PRDM16: variants seen among roughly 807,000 people sequenced by gnomAD.
PRDM16 encodes histone-lysine N-methyltransferase PRDM16.
Under a neutral mutation model 110.6 loss-of-function variants are expected in PRDM16, and 23 were observed. The observed-to-expected ratio is 0.21, with a 90% CI of 0.15 to 0.29. PRDM16 has a LOEUF of 0.29. PRDM16 is among the 10% of genes least tolerant of loss of function. The pLI, the probability that PRDM16 is intolerant of heterozygous loss-of-function variation, is 1.00. For synonymous variants in PRDM16, 799 were observed against 781.8 expected, an observed-to-expected ratio of 1.02 and a Z score of -0.37; for missense variants, 1,615 against 1,794.3, an observed-to-expected ratio of 0.90 and a Z score of 1.81.
rs1419923260 is a variant in PRDM16, at chr1:3,114,135, TCTGCACA to T, written c.37+44848_37+44854del. 2.6e-5 allele frequency among the ~76,000 whole-genome samples: 4 copies of T among 152,180 alleles called. No homozygotes were observed. In the East Asian group the frequency reaches 5.8e-4, roughly 22 times the overall value. On this transcript the variant is annotated intron_variant, in intron 1 of 16. Transcript: ENST00000270722. ...CTGCAGTAAGACAGCGGCGTGTATC[TCTGCACA>T]CTGCACACACGCACACACACACGCA...
At chr1:3,162,688 A>C (rs534081735) in intron 1 of PRDM16, among the ~76,000 whole-genome samples, 3 of 152,166 alleles carry the variant, frequency 2.0e-5, no homozygotes, top group African/African-American at 7.2e-5. Flanking sequence ...GGTGTGGAAA[A>C]CGCGGAGCCA....
At chr1:3,113,694 C>G (rs1352211310) in intron 1 of PRDM16, among the ~76,000 whole-genome samples, 1 of 152,222 alleles carries the variant, frequency 6.6e-6, no homozygotes, top group African/African-American at 2.4e-5. Context: ...GTGGCTCCCC[C>G]TCAGAGCTGA....
rs1389524359 is a variant in PRDM16, at chr1:3,290,870, C to A, written c.438+46733C>A. ...GGGAAGGGCCCGGAGCACTGGGGGCCCGAGGTATCTTTCAAAGAGTGATGG... is the reference window on the plus strand; with the variant it reads ...GGGAAGGGCCCGGAGCACTGGGGGCACGAGGTATCTTTCAAAGAGTGATGG... On this transcript the variant is annotated intron_variant, in intron 3 of 16. Transcript: ENST00000270722. This position sits in a 1 kb window ranked among gnomAD's most constrained non-coding sequence, Gnocchi z 4.8. Among the ~76,000 whole-genome samples, 1 of 151,732 alleles carries A rather than the reference C, an allele frequency of 6.6e-6. No homozygotes were observed. The highest frequency in any genetic ancestry group is 1.9e-4 in the East Asian group (1 of 5,164).
At chr1:3,183,328 C>T (rs971417619) in intron 1 of PRDM16, among the ~76,000 whole-genome samples, 4 of 152,258 alleles carry the variant, frequency 2.6e-5, no homozygotes, top group Admixed American at 6.5e-5. Flanking sequence ...CTCCCGGCTC[C>T]GGTTGTTCCG....
chr1:3,177,333 A>G (rs1168104575), intron 1 of PRDM16, among the ~76,000 whole-genome samples: 1 of 152,214 alleles, frequency 6.6e-6, no homozygotes, highest in African/African-American at 2.4e-5. Flanking sequence ...ACTGACTGCC[A>G]GGAAACTGTT....
At chr1:3,214,751 C>T (rs1394631457) in intron 2 of PRDM16, among the ~76,000 whole-genome samples, 1 of 152,186 alleles carries the variant, frequency 6.6e-6, no homozygotes, top group Non-Finnish European at 1.5e-5. Context: ...TGTGTTGGGC[C>T]CCTGTTGGGT....
intron 3 of PRDM16, among the ~76,000 whole-genome samples, chr1:3,360,320 C>T (rs1230751555): frequency 6.6e-6 from 1 of 152,196 alleles, no homozygotes; most frequent in Non-Finnish European, 1.5e-5. Context: ...CTTCTAGGCT[C>T]TGCCTTGCCA....
At chr1:3,393,824 C>T (rs1039763714) in intron 4 of PRDM16, among the ~76,000 whole-genome samples, 1 of 152,228 alleles carries the variant, frequency 6.6e-6, no homozygotes, top group Non-Finnish European at 1.5e-5. Context: ...ACCCCCGAAG[C>T]AGTTGGAGGC....
At chr1:3,239,154 G>T (rs904090118) in intron 2 of PRDM16, among the ~76,000 whole-genome samples, 1 of 152,222 alleles carries the variant, frequency 6.6e-6, no homozygotes, top group African/African-American at 2.4e-5. Flanking sequence ...AATGAGATTT[G>T]TTCTTTAAAA....
chr1:3,180,849 C>T (rs141816402), intron 1 of PRDM16, among the ~76,000 whole-genome samples: 5 of 148,952 alleles, frequency 3.4e-5, no homozygotes, highest in African/African-American at 1.0e-4. Context: ...TGCTTACACA[C>T]GCAGTCTTAC....
In PRDM16 at chr1:3,244,402, G is replaced by A. The variant is rs138533168; in HGVS notation, c.438+265G>A. Among the ~76,000 whole-genome samples, 2 of 152,240 alleles carry A rather than the reference G, an allele frequency of 1.3e-5. 1 individual carries two copies. The highest frequency in any genetic ancestry group is 2.9e-5 in the Non-Finnish European group (2 of 68,004). ...GCCACTCTCCTAACTCCCGAGAGTG[G>A]AGGAGAGCCCTGTACCTGTGGGAAA... On this transcript the variant is annotated intron_variant, in intron 3 of 16. Transcript: ENST00000270722. The surrounding 1 kb of genome is among the most constrained non-coding windows in gnomAD (Gnocchi z 4.1).
intron 2 of PRDM16, among the ~76,000 whole-genome samples, chr1:3,219,770 G>T (rs1352824166): frequency 6.6e-6 from 1 of 152,150 alleles, no homozygotes; most frequent in African/African-American, 2.4e-5. Context: ...GTAACCGCCC[G>T]CCTGCCCTGC....
chr1:3,338,071 G>A (rs1642198643), intron 3 of PRDM16, among the ~76,000 whole-genome samples: 1 of 152,006 alleles, frequency 6.6e-6, no homozygotes, highest in African/African-American at 2.4e-5. Flanking sequence ...AGACACGTGT[G>A]CATGCACACA....
rs1458144898 is a variant in PRDM16, at chr1:3,244,398, A to G, written c.438+261A>G. ...ATCCGCCACTCTCCTAACTCCCGAG[A>G]GTGGAGGAGAGCCCTGTACCTGTGG... On this transcript the variant is annotated intron_variant, in intron 3 of 16. Transcript: ENST00000270722. The surrounding 1 kb of genome is among the most constrained non-coding windows in gnomAD (Gnocchi z 4.1). Among the ~76,000 whole-genome samples, 1 of 152,056 alleles carries G rather than the reference A, an allele frequency of 6.6e-6. No homozygotes were observed. Among genetic ancestry groups the G allele is most frequent in the Non-Finnish European group, 1.5e-5 (1 of 67,988 alleles).
chr1:3,259,775 C>T (rs938046114), intron 3 of PRDM16, among the ~76,000 whole-genome samples: 4 of 152,186 alleles, frequency 2.6e-5, no homozygotes, highest in South Asian at 2.1e-4. Context: ...GAGCCACCTC[C>T]GTGGGCCTGG....
At chr1:3,120,270 T>C (rs920343726) in intron 1 of PRDM16, among the ~76,000 whole-genome samples, 1 of 152,244 alleles carries the variant, frequency 6.6e-6, no homozygotes, top group Non-Finnish European at 1.5e-5. Flanking sequence ...GTGTCCTCCC[T>C]GCCCCCTGTC....
chr1:3,412,150 C>T lies in PRDM16; in HGVS notation c.1953C>T (p.Gly651=), dbSNP rs780589589. The change falls in exon 9 of 17, where the codon GGC becomes GGT. Residue 651 remains glycine (G), a synonymous_variant. Transcript: ENST00000270722. ...KSAEGQPKFG[G]GLAPPGAPNS... ...CCGAGGGCCAGCCCAAGTTTGGGGG[C>T]GGCTTGGCGCCCCCGGGGGCCCCGA... is the stretch of plus-strand genomic sequence containing the variant. The T allele has an allele frequency of 3.7e-5, 58 of 1,559,962 alleles. No homozygotes were observed. The highest frequency in any genetic ancestry group is 2.9e-4 in the South Asian group (24 of 82,604).
intron 1 of PRDM16, among the ~76,000 whole-genome samples, chr1:3,093,601 G>A (rs1642326321): frequency 6.6e-6 from 1 of 152,126 alleles, no homozygotes; most frequent in Non-Finnish European, 1.5e-5. Context: ...CGCAGTGCCT[G>A]TGGGCCCCTT....
In PRDM16 at chr1:3,417,992, G is replaced by T. The variant is rs563342786; in HGVS notation, c.2856G>T (p.Thr952=). The part of the protein sequence containing the change: ...PILRKGKERY[T]CRYCGKIFPR... ...TCAGGAAGGGCAAGGAGCGATACAC[G>T]TGCAGGTGAGGGGCCCTTTGGTGCT... The change falls in exon 11 of 17, where the codon ACG becomes ACT. Residue 952 remains threonine, a synonymous_variant. Coordinates refer to ENST00000270722, the MANE Select transcript of PRDM16 (RefSeq NM_022114.4). The T allele has an allele frequency of 1.3e-6, 2 of 1,586,080 alleles. No homozygotes were observed. The highest frequency in any genetic ancestry group is 1.4e-5 in the African/African-American group (1 of 74,050).
Sources: allele counts gnomAD v4.1 joint callset (sites outside exome capture counted in the v4.1 genomes callset), GRCh38; gene constraint gnomAD v4.1.1; non-coding constraint Gnocchi (gnomAD v3.1); transcripts MANE v1.5; gene names NCBI Gene and HGNC (gene_info 2026-07-23, HGNC 2026-07-21).